The following TOM1 variants were observed in gnomAD, a reference collection of about 807,000 sequenced individuals.
TOM1 encodes the protein target of myb1 membrane trafficking protein.
TOM1 carries 38 observed loss-of-function variants against 61.3 expected under a neutral mutation model. That is an observed-to-expected ratio of 0.62 (90% CI 0.48 to 0.81). The LOEUF (loss-of-function observed/expected upper bound fraction) is 0.81, where lower values mean the gene tolerates loss of function less well. TOM1 is among the 40% of genes least tolerant of loss of function. The probability of loss-of-function intolerance (pLI) is 0.00; values close to 1 mark genes in which losing one functional copy is unlikely to be tolerated. For synonymous variants in TOM1, 270 were observed against 268.8 expected, an observed-to-expected ratio of 1.00 and a Z score of -0.04; for missense variants, 591 against 659.6, an observed-to-expected ratio of 0.90 and a Z score of 1.14.
intron 1 of TOM1, among the ~76,000 whole-genome samples, chr22:35,302,951 G>A (rs755670421): frequency 6.6e-6 from 1 of 152,066 alleles, no homozygotes; most frequent in Non-Finnish European, 1.5e-5. Context: ...TGTAAACCAG[G>A]CCCCTCCTTG....
intron 1 of TOM1, among the ~76,000 whole-genome samples, chr22:35,301,065 A>G (rs1219939781): frequency 1.6e-5 from 2 of 124,484 alleles, no homozygotes; most frequent in Non-Finnish European, 3.7e-5. Flanking sequence ...AAAAAAAAAA[A>G]AAAATACAGA....
chr22:35,344,554 G>A (rs1930340497), intron 12 of TOM1: 1 of 152,272 alleles, frequency 6.6e-6, no homozygotes, highest in African/African-American at 2.4e-5. Flanking sequence ...CGGAGCGGGA[G>A]ACGGAGCCGG....
Position 35,324,868 on chromosome 22 carries a change from G to A in TOM1, c.648+954G>A, listed in dbSNP as rs544562698. 8.6e-4 allele frequency among the ~76,000 whole-genome samples: 131 copies of A among 152,236 alleles called. 2 individuals carry two copies. Among genetic ancestry groups the A allele is most frequent in the Non-Finnish European group, 7.1e-4 (48 of 68,036 alleles). ...CCCAGCCAAGAAGGTTTGAGGCTTA[G>A]TATGAGATTCTAGGGGACAGGTTTT... On this transcript the variant is annotated intron_variant, in intron 6 of 14. Transcript: ENST00000449058.
At chr22:35,308,584 G>T (rs1926548858) in intron 1 of TOM1, among the ~76,000 whole-genome samples, 1 of 151,884 alleles carries the variant, frequency 6.6e-6, no homozygotes, top group Non-Finnish European at 1.5e-5. Context: ...AGCCAGCCTA[G>T]TTCCTTTTCT....
At chr22:35,305,182 A>G (rs779779538) in intron 1 of TOM1, among the ~76,000 whole-genome samples, 1 of 152,226 alleles carries the variant, frequency 6.6e-6, no homozygotes, top group Admixed American at 6.5e-5. Flanking sequence ...CCAGGCTGGG[A>G]GGCGGGACAC....
At chr22:35,345,843 A>C in intron 13 of TOM1, 59 bp downstream of exon 13, 3 of 1,576,898 alleles carry the variant, frequency 1.9e-6, no homozygotes, top group Non-Finnish European at 2.6e-6. Context: ...CTCACCAAGA[A>C]ATGACCCATG....
intron 1 of TOM1, among the ~76,000 whole-genome samples, chr22:35,307,582 G>A (rs1279342488): frequency 6.6e-6 from 1 of 152,216 alleles, no homozygotes; most frequent in Non-Finnish European, 1.5e-5. Flanking sequence ...GGGAAACTTA[G>A]AAGTTGATAG....
rs1928714801 is a variant in TOM1, at chr22:35,330,276, C to T, written c.766-71C>T. On this transcript the variant is annotated intron_variant, in intron 7 of 14. Coordinates refer to ENST00000449058, the MANE Select transcript of TOM1 (RefSeq NM_005488.3). ...CAGCCTGGGCGACAGAGCTCCGTCT[C>T]ACAAAAAAAAAAAGAGACGGCCTCA... The T allele has an allele frequency of 3.4e-6, 5 of 1,478,912 alleles. No individual in the cohort carries two copies. The Admixed American group carries it at 1.0e-4, about 31-fold the overall frequency. 91.6% of individuals were successfully genotyped at this position (1,478,912 alleles called of 1,614,324 possible).
At position 35,323,905 on chromosome 22, in the gene TOM1, C is replaced by T. The variant is rs142456405; in HGVS notation, c.639C>T (p.Thr213=). ...ILSGDTPIAP[T]PEQIGKLRSE... ...CCGGTGACACGCCCATAGCACCAAC[C>T]CCGGAACAGGTAAACGAGCCTGGGG... Residue 213 remains threonine (T), a synonymous_variant, in exon 6 of 15, where the codon ACC becomes ACT. Transcript: ENST00000449058. The surrounding 1 kb of genome is among the most constrained non-coding windows in gnomAD (Gnocchi z 4.2). The T allele has an allele frequency of 4.5e-6, 7 of 1,565,230 alleles. No homozygotes were observed. In the Admixed American group the frequency reaches 5.6e-5, roughly 12 times the overall value.
At position 35,332,585 on chromosome 22, in the gene TOM1, AAC is replaced by A. The variant is rs751364020; in HGVS notation, c.900-376_900-375del. 7.4e-4 allele frequency among the ~76,000 whole-genome samples: 65 copies of A among 87,980 alleles called. 1 individual carries two copies. The highest frequency in any genetic ancestry group is 1.7e-3 in the African/African-American group (35 of 20,242). The allele number at this position is 87,980 out of a possible 152,430, so 57.7% of individuals were successfully genotyped here. On this transcript the variant is annotated intron_variant, in intron 8 of 14. Transcript: ENST00000449058. ...TTCTTACAGCACTGAAGAGAGCACT[AAC>A]ACACACACACACACACACATACACA... is the stretch of plus-strand genomic sequence containing the variant.
chr22:35,322,160 A>G (rs8139181), intron 3 of TOM1, 123 bp downstream of exon 3: 1 of 844,672 alleles, frequency 1.2e-6, no homozygotes, highest in East Asian at 2.6e-5. Context: ...AAAGGTCTGT[A>G]GGCAACGCAC....
chr22:35,335,482 T>C (rs982425500), intron 11 of TOM1, among the ~76,000 whole-genome samples: 20 of 152,100 alleles, frequency 1.3e-4, no homozygotes, highest in Non-Finnish European at 2.9e-4. Context: ...GCTGTTGCCA[T>C]GGAGTTAGGG....
In TOM1 at chr22:35,328,732, G is replaced by A. The variant is rs201378550; in HGVS notation, c.765+1345G>A. Among the ~76,000 whole-genome samples, 256 of 152,312 alleles carry A rather than the reference G, an allele frequency of 1.7e-3. 1 individual carries two copies. Among genetic ancestry groups the A allele is most frequent in the Non-Finnish European group, 3.4e-3 (231 of 68,030 alleles). The stretch of plus-strand genomic sequence containing the variant: ...TGACCTTGGAGGGGGCAGGGGACAG[G>A]GTCCACATGACAGCCAAAATAAACA... On this transcript the variant is annotated intron_variant, in intron 7 of 14. Transcript: ENST00000449058.
chr22:35,333,418 C>T lies in TOM1; in HGVS notation c.948C>T (p.Ala316=), dbSNP rs1376691442. 12 of 1,613,930 alleles carry T rather than the reference C, an allele frequency of 7.4e-6. No individual in the cohort carries two copies. The highest frequency in any genetic ancestry group is 1.7e-5 in the Admixed American group (1 of 60,006). ...CTTCCCACCAGGCCCCAAGTGAGGC[C>T]GAGCCGGCAGCTGACCTGATCGACA... ...TGQTTKAPSE[A]EPAADLIDMG... is the part of the protein sequence containing the mutation. The change falls in exon 10 of 15, where the codon GCC becomes GCT. Residue 316 remains alanine, a synonymous_variant. Transcript: ENST00000449058.
chr22:35,336,942 CT>C (rs138791), intron 11 of TOM1: 94,516 of 131,000 alleles, frequency 0.72, 33,708 homozygotes, highest in Middle Eastern at 0.85. Flanking sequence ...GCAGATAGTT[CT>C]TTTTTTTTTT....
chr22:35,342,750 TACAC>T (rs1017099633), intron 12 of TOM1, among the ~76,000 whole-genome samples: 1 of 143,652 alleles, frequency 7.0e-6, no homozygotes, highest in Non-Finnish European at 1.5e-5. Context: ...CCCATAGACC[TACAC>T]ACACACCACA....
Position 35,334,327 on chromosome 22 carries a change from G to A in TOM1, c.1028-1G>A, listed in dbSNP as rs759423891. 1.2e-6 allele frequency: 2 copies of A among 1,612,560 alleles called. No homozygotes were observed. The highest frequency in any genetic ancestry group is 1.7e-6 in the Non-Finnish European group (2 of 1,179,062). On this transcript the variant is annotated splice_acceptor_variant, in intron 10 of 14. Coordinates refer to ENST00000449058, the MANE Select transcript of TOM1 (RefSeq NM_005488.3). LOFTEE classifies it high-confidence loss of function. ...TTCACGTGGCCTTTCTGTCCCTGCA[G>A]ACCTGGGCTCCAGCAGTGTGAGAGC...
In TOM1 at chr22:35,329,825, G is replaced by A. The variant is rs1299819349; in HGVS notation, c.766-522G>A. Among the ~76,000 whole-genome samples, 3 of 152,288 alleles carry A rather than the reference G, an allele frequency of 2.0e-5. No individual in the cohort carries two copies. The East Asian group carries it at 5.8e-4, about 29-fold the overall frequency. On this transcript the variant is annotated intron_variant, in intron 7 of 14. Coordinates refer to ENST00000449058, the MANE Select transcript of TOM1 (RefSeq NM_005488.3). ...CGGCAGCACAGTTGGACATGTTGAT[G>A]GTTTCCTGTGGATTAAATTTTAGCA...
At chr22:35,334,648 G>A (rs1187543471) in intron 11 of TOM1, among the ~76,000 whole-genome samples, 200 bp downstream of exon 11, 1 of 152,200 alleles carries the variant, frequency 6.6e-6, no homozygotes, top group Non-Finnish European at 1.5e-5. Flanking sequence ...CACAGGCCAT[G>A]CTGGGTGGGG....
Sources: allele counts gnomAD v4.1 joint callset (sites outside exome capture counted in the v4.1 genomes callset), GRCh38; gene constraint gnomAD v4.1.1; non-coding constraint Gnocchi (gnomAD v3.1); transcripts MANE v1.5; gene names NCBI Gene and HGNC (gene_info 2026-07-23, HGNC 2026-07-21).